The following ZNF132 variants were observed in gnomAD, a reference collection of about 807,000 sequenced individuals.
ZNF132 encodes the protein zinc finger protein 132.
Under a neutral mutation model 9.3 loss-of-function variants are expected in ZNF132, and 6 were observed. The observed-to-expected ratio is 0.65, with a 90% CI of 0.35 to 1.28. The LOEUF is 1.28. Among genes scored for constraint, ZNF132 ranks in the 50% most tolerant of loss-of-function variants. The pLI is 0.03. For missense variants in ZNF132, 877 were observed against 843.2 expected, an observed-to-expected ratio of 1.04 and a Z score of -0.50; for synonymous variants, 296 against 292.0, an observed-to-expected ratio of 1.01 and a Z score of -0.14.
Position 58,432,985 on chromosome 19 carries a change from G to T in ZNF132, c.*338C>A, listed in dbSNP as rs1024011417. 6.8e-5 allele frequency: 13 copies of T among 190,408 alleles called. No individual in the cohort carries two copies. Among genetic ancestry groups the T allele is most frequent in the Non-Finnish European group, 1.2e-4 (11 of 94,052 alleles). 11.8% of individuals were successfully genotyped at this position (190,408 alleles called of 1,614,324 possible). On this transcript the variant is annotated 3_prime_UTR_variant, in exon 3 of 3. Coordinates refer to ENST00000254166, the MANE Select transcript of ZNF132 (RefSeq NM_003433.4). ...GAGCTCAAATTAGATTTCCCTCAAG[G>T]CCCCTCAACCAGCATCGGTTCAGCT...
In ZNF132 at chr19:58,433,353, G is replaced by T. The variant is rs1406193426; in HGVS notation, c.2091C>A (p.Asn697Lys). The part of the protein sequence containing the change: ...QCGKLFSHLC[N>K]LAQHKKIHT ...TATGAATCTTTTTATGCTGTGCAAG[G>T]TTACAAAGATGGCTGAAGAGTTTCC... The change falls in exon 3 of 3, where the codon AAC (asparagine) becomes AAA (lysine). Residue 697 changes from asparagine (N) to lysine (K), a missense_variant. Asn to Lys is a moderately conservative substitution (Grantham distance 94). Coordinates refer to ENST00000254166, the MANE Select transcript of ZNF132 (RefSeq NM_003433.4). 2.5e-6 allele frequency: 4 copies of T among 1,614,166 alleles called. No individual in the cohort carries two copies. Among genetic ancestry groups the T allele is most frequent in the Non-Finnish European group, 2.5e-6 (3 of 1,180,014 alleles).
chr19:58,434,463 G>T lies in ZNF132; in HGVS notation c.981C>A (p.Thr327=), dbSNP rs367676677. 4 of 1,614,204 alleles carry T rather than the reference G, an allele frequency of 2.5e-6. No homozygotes were observed. Among genetic ancestry groups the T allele is most frequent in the Non-Finnish European group, 3.4e-6 (4 of 1,180,042 alleles). The part of the protein sequence containing the change: ...KYYECIACGK[T]FNHKLTFVHH... ...GAACAAATGTGAGTTTGTGGTTGAA[G>T]GTTTTCCCACATGCAATGCACTCAT... The change falls in exon 3 of 3, where the codon ACC becomes ACA. Residue 327 remains threonine (T), a synonymous_variant. Coordinates refer to ENST00000254166, the MANE Select transcript of ZNF132 (RefSeq NM_003433.4).
At position 58,433,491 on chromosome 19, in the gene ZNF132, T is replaced by C. The variant is rs747870070; in HGVS notation, c.1953A>G (p.Gln651=). 1.2e-6 allele frequency: 2 copies of C among 1,614,180 alleles called. No homozygotes were observed. Among genetic ancestry groups the C allele is most frequent in the South Asian group, 2.2e-5 (2 of 91,088 alleles). The change falls in exon 3 of 3, where the codon CAA becomes CAG. Residue 651 remains glutamine, a synonymous_variant. Coordinates refer to ENST00000254166, the MANE Select transcript of ZNF132 (RefSeq NM_003433.4). ...HLVRHQRVHT[Q]ERPYECIQCG... is the part of the protein sequence containing the mutation. ...ACTGGATGCACTCATAGGGCCTTTCTTGTGTGTGAACTCTCTGATGACGAA... is the reference window on the plus strand; with the variant it reads ...ACTGGATGCACTCATAGGGCCTTTCCTGTGTGTGAACTCTCTGATGACGAA...
At position 58,433,420 on chromosome 19, in the gene ZNF132, T is replaced by C; in HGVS notation, c.2024A>G (p.Lys675Arg). ...ATAAGTCCTTTCTCTGGTGTGAACT[T>C]TCTGGTGCCGAACAAGTGTAGATCT... ...SERSTLVRHQ[K>R]VHTRERTYEC... The change falls in exon 3 of 3, where the codon AAA becomes AGA. Residue 675 changes from lysine to arginine, a missense_variant. Physicochemically the swap from Lys to Arg is conservative, Grantham distance 26. Transcript: ENST00000254166. The C allele has an allele frequency of 6.2e-7, 1 of 1,614,150 alleles. No homozygotes were observed.
chr19:58,436,043 A>G (rs2052770983), intron 2 of ZNF132, among the ~76,000 whole-genome samples: 3 of 152,266 alleles, frequency 2.0e-5, no homozygotes, highest in African/African-American at 7.2e-5. Context: ...ACATGCTACA[A>G]CATTGATGAA....
chr19:58,434,141 C>T lies in ZNF132; in HGVS notation c.1303G>A (p.Glu435Lys), dbSNP rs201605379. ...TTATTGTTAAAAGCTCTTCCACATT[C>T]ACTGCATTCATACGGTCTTTCTCCA... ...HTGERPYECS[E>K]CGRAFNNNSN... is the part of the protein sequence containing the mutation. Residue 435 changes from glutamate (E) to lysine (K), a missense_variant, in exon 3 of 3, where the codon GAA (glutamate) becomes AAA (lysine). Transcript: ENST00000254166. 30 of 1,614,144 alleles carry T rather than the reference C, an allele frequency of 1.9e-5. No individual in the cohort carries two copies. Among genetic ancestry groups the T allele is most frequent in the Middle Eastern group, 1.6e-4 (1 of 6,062 alleles).
intron 1 of ZNF132, among the ~76,000 whole-genome samples, chr19:58,438,567 G>A (rs560330197): frequency 1.9e-4 from 28 of 144,428 alleles, no homozygotes; most frequent in African/African-American, 6.3e-4. Context: ...TCCGCCTCCC[G>A]GGTTCAAGCC....
intron 1 of ZNF132, among the ~76,000 whole-genome samples, chr19:58,438,824 G>A (rs550041941): frequency 4.6e-4 from 70 of 150,620 alleles, no homozygotes; most frequent in Admixed American, 3.3e-3. Flanking sequence ...AGGCTGGAGC[G>A]CAGTGGCACG....
Position 58,434,094 on chromosome 19 carries a change from C to A in ZNF132, c.1350G>T (p.Gln450His). The change falls in exon 3 of 3, where the codon CAG becomes CAT. Residue 450 changes from glutamine to histidine, a missense_variant. Physicochemically the swap from Gln to His is conservative, Grantham distance 24. Coordinates refer to ENST00000254166, the MANE Select transcript of ZNF132 (RefSeq NM_003433.4). ...FNNNSNLAQH[Q>H]KVHTGERPFE... The stretch of plus-strand genomic sequence containing the variant: ...AAGGCCGTTCTCCGGTGTGAACTTT[C>A]TGGTGCTGAGCAAGGTTGGAGTTAT... 1 of 1,614,086 alleles carries A rather than the reference C, an allele frequency of 6.2e-7. No homozygotes were observed. The highest frequency in any genetic ancestry group is 8.5e-7 in the Non-Finnish European group (1 of 1,180,022).
In ZNF132 at chr19:58,434,203, C is replaced by T. The variant is rs768169206; in HGVS notation, c.1241G>A (p.Arg414Gln). Residue 414 changes from arginine (R) to glutamine (Q), a missense_variant, in exon 3 of 3, where the codon CGA (arginine) becomes CAA (glutamine). Transcript: ENST00000254166. ...ECSQCGKSFSRSSALIQHWRV... is the reference protein window; with the variant it reads ...ECSQCGKSFSQSSALIQHWRV... ...CCAGTGCTGAATGAGAGCAGAGCTT[C>T]GGCTGAAGGATTTACCACATTGACT... 19 of 1,613,916 alleles carry T rather than the reference C, an allele frequency of 1.2e-5. No homozygotes were observed. Among genetic ancestry groups the T allele is most frequent in the East Asian group, 6.7e-5 (3 of 44,886 alleles).
rs1201120472 is a variant in ZNF132, at chr19:58,434,628, GA to G, written c.815del (p.Phe272SerfsTer2). The G allele has an allele frequency of 6.2e-7, 1 of 1,614,200 alleles. No individual in the cohort carries two copies. Among genetic ancestry groups the G allele is most frequent in the Non-Finnish European group, 8.5e-7 (1 of 1,180,028 alleles). On this transcript the variant is annotated frameshift_variant, in exon 3 of 3. Transcript: ENST00000254166. LOFTEE classifies it low-confidence loss of function (END_TRUNC). ...IPFTCPTGGN[F>X]LEEKSILGNK... ...TACCAAGGATTGATTTCTCCTCTAA[GA>G]AATTTCCACCTGTTGGGCATGTAAA...
chr19:58,434,042 A>T lies in ZNF132; in HGVS notation c.1402T>A (p.Phe468Ile), dbSNP rs991497923. The change falls in exon 3 of 3, where the codon TTC becomes ATC. Residue 468 changes from phenylalanine to isoleucine, a missense_variant. Transcript: ENST00000254166. ...PFECSECGRD[F>I]SQSSHLLRHQ... ...CGAAGGAGATGGGAGCTTTGGCTGA[A>T]GTCTCTTCCACATTCACTGCACTCA... 2 of 1,614,154 alleles carry T rather than the reference A, an allele frequency of 1.2e-6. No homozygotes were observed. The highest frequency in any genetic ancestry group is 1.7e-6 in the Non-Finnish European group (2 of 1,180,012).
rs747701878 is a variant in ZNF132, at chr19:58,435,230, C to T, written c.233-19G>A. 1.9e-6 allele frequency: 3 copies of T among 1,589,372 alleles called. No homozygotes were observed. Among genetic ancestry groups the T allele is most frequent in the Non-Finnish European group, 2.6e-6 (3 of 1,167,658 alleles). On this transcript the variant is annotated intron_variant, in intron 2 of 2. Transcript: ENST00000254166. ...CAAGAACCTGAAAGTAGAGAAATGC[C>T]AGTTAACTAAGAATTCCACTTGGTG...
Position 58,434,583 on chromosome 19 carries a change from C to T in ZNF132, c.861G>A (p.Gly287=). 1.2e-6 allele frequency: 2 copies of T among 1,614,038 alleles called. No homozygotes were observed. Among genetic ancestry groups the T allele is most frequent in the South Asian group, 1.1e-5 (1 of 91,084 alleles). Residue 287 remains glycine (G), a synonymous_variant, in exon 3 of 3, where the codon GGG becomes GGA. Coordinates refer to ENST00000254166, the MANE Select transcript of ZNF132 (RefSeq NM_003433.4). ...ACTCCTTACACACATGGGGTATTTC[C>T]CCAGTGTGAAACTTTTTATTACCAA... ...SILGNKKFHT[G]EIPHVCKECG...
At position 58,433,741 on chromosome 19, in the gene ZNF132, T is replaced by A; in HGVS notation, c.1703A>T (p.Glu568Val). The change falls in exon 3 of 3, where the codon GAA becomes GTA. Residue 568 changes from glutamate (E) to valine (V), a missense_variant. Glu to Val is a moderately radical substitution (Grantham distance 121). Transcript: ENST00000254166. ...ACATTCATTGCACTCATAAGGCCTT[T>A]CTTTTGTGTGAACTCTCCAGTGTTC... ...LIEHWRVHTK[E>V]RPYECNECGK... is the part of the protein sequence containing the mutation. 6.2e-7 allele frequency: 1 copy of A among 1,614,080 alleles called. No individual in the cohort carries two copies. Among genetic ancestry groups the A allele is most frequent in the South Asian group, 1.1e-5 (1 of 91,080 alleles).
At chr19:58,438,424 G>A (rs952360603) in intron 1 of ZNF132, among the ~76,000 whole-genome samples, 4 of 150,886 alleles carry the variant, frequency 2.7e-5, no homozygotes, top group Non-Finnish European at 5.9e-5. Context: ...TCTTCCCCCT[G>A]AAATCTACTC....
At chr19:58,437,616 C>G (rs1269651306) in intron 1 of ZNF132, 1 of 841,082 alleles carries the variant, frequency 1.2e-6, no homozygotes, top group African/African-American at 1.8e-5. Flanking sequence ...GGTTCACATT[C>G]TCTCACCTTT....
chr19:58,435,151 A>T lies in ZNF132; in HGVS notation c.293T>A (p.Val98Glu), dbSNP rs1406445695. Residue 98 changes from valine (V) to glutamate (E), a missense_variant, in exon 3 of 3, where the codon GTG (valine) becomes GAG (glutamate). Transcript: ENST00000254166. ...AHPKQNVSVE[V>E]LQVRIPNADP... ...TGCATTAGGGATCCTGACCTGTAAC[A>T]CTTCTACAGAAACATTCTGCTTGGG... 1 of 1,614,014 alleles carries T rather than the reference A, an allele frequency of 6.2e-7. No individual in the cohort carries two copies. Among genetic ancestry groups the T allele is most frequent in the African/African-American group, 1.3e-5 (1 of 74,902 alleles).
intron 2 of ZNF132, 86 bp from the exon 3 acceptor site, chr19:58,435,297 A>G: frequency 1.4e-6 from 2 of 1,462,834 alleles, no homozygotes; most frequent in Non-Finnish European, 1.8e-6. Flanking sequence ...AGGAATTCAC[A>G]CCCAAGAAGA....
Sources: gnomAD v4.1 joint callset for allele counts (sites outside exome capture counted in the v4.1 genomes callset) on GRCh38, gnomAD v4.1.1 for gene constraint, MANE v1.5 for transcripts, NCBI Gene and HGNC (gene_info 2026-07-23, HGNC 2026-07-21) for gene names.